Variants in GALNT13 observed in about 807,000 individuals in gnomAD.
The protein encoded by GALNT13 is UDP-GalNAc:polypeptide N-acetylgalactosaminyltransferase 13.
A neutral mutation model predicts 64.2 loss-of-function variants in GALNT13; 28 were observed. That is an observed-to-expected ratio of 0.44 (90% CI 0.32 to 0.60). The LOEUF is 0.60. Ranked by LOEUF, GALNT13 falls within the 20% of genes least tolerant of loss-of-function variation. The probability of loss-of-function intolerance (pLI) is 0.05; values close to 1 mark genes in which losing one functional copy is unlikely to be tolerated. For missense variants in GALNT13, 577 were observed against 669.8 expected (o/e 0.86, Z 1.53); for synonymous variants, 214 against 224.6 (o/e 0.95, Z 0.42).
chr2:153,911,968 A>G (rs1397041327), intron 2 of GALNT13, among the ~76,000 whole-genome samples: 1 of 152,028 alleles, frequency 6.6e-6, no homozygotes, highest in African/African-American at 2.4e-5. Context: ...AGATAGGGGA[A>G]ATTCTTATGG....
the GALNT13 span, among the ~76,000 whole-genome samples, chr2:153,389,612 G>A: frequency 6.6e-6 from 1 of 152,076 alleles, no homozygotes; most frequent in African/African-American, 2.4e-5. Flanking sequence ...AAGAATGCCC[G>A]GAGGTCCATT....
At chr2:153,642,702 T>C in the GALNT13 span, among the ~76,000 whole-genome samples, 1 of 151,838 alleles carries the variant, frequency 6.6e-6, no homozygotes, top group African/African-American at 2.4e-5. Context: ...AATTCAACAA[T>C]TATTGAGCAA....
chr2:153,864,840 C>T, the GALNT13 span, among the ~76,000 whole-genome samples: 225 of 148,220 alleles, frequency 1.5e-3, 1 homozygote, highest in South Asian at 0.015. Context: ...AAAAAAGAGC[C>T]CGCATCGCCA....
the GALNT13 span, among the ~76,000 whole-genome samples, chr2:153,819,945 C>CTGG: frequency 6.6e-6 from 1 of 152,052 alleles, no homozygotes; most frequent in Non-Finnish European, 1.5e-5. Context: ...ATACAGAATT[C>CTGG]AAAGCATGGA....
At chr2:153,232,915 A>G in the GALNT13 span, among the ~76,000 whole-genome samples, 1 of 152,112 alleles carries the variant, frequency 6.6e-6, no homozygotes. Flanking sequence ...GCTCCCATCC[A>G]TTATGTCTCT....
At chr2:153,354,182 T>TA in the GALNT13 span, 1 of 152,122 alleles carries the variant, frequency 6.6e-6, no homozygotes, top group Non-Finnish European at 1.5e-5. Context: ...ATGCAACAGA[T>TA]AAAAAAATAA....
At chr2:154,396,371 C>A (rs1213303013) in intron 10 of GALNT13, among the ~76,000 whole-genome samples, 7 of 151,976 alleles carry the variant, frequency 4.6e-5, no homozygotes, top group African/African-American at 1.4e-4. Flanking sequence ...AGCTTTTGGT[C>A]ATTTACGTTC....
chr2:154,336,910 T>A (rs1225499876), intron 9 of GALNT13, among the ~76,000 whole-genome samples: 1 of 152,106 alleles, frequency 6.6e-6, no homozygotes, highest in Non-Finnish European at 1.5e-5. Flanking sequence ...GTTCAGAATA[T>A]TAGACTTTTT....
At chr2:153,142,657 T>C in the GALNT13 span, among the ~76,000 whole-genome samples, 2 of 151,962 alleles carry the variant, frequency 1.3e-5, no homozygotes, top group African/African-American at 4.8e-5. Flanking sequence ...AATGGAGGTT[T>C]GTAGGCCTAG....
the GALNT13 span, among the ~76,000 whole-genome samples, chr2:153,435,590 A>T: frequency 6.6e-6 from 1 of 151,966 alleles, no homozygotes; most frequent in Non-Finnish European, 1.5e-5. Flanking sequence ...TCTTTGAAGC[A>T]ATTGTGAATG....
At chr2:153,258,110 A>T in the GALNT13 span, among the ~76,000 whole-genome samples, 1 of 152,194 alleles carries the variant, frequency 6.6e-6, no homozygotes, top group Admixed American at 6.6e-5. Flanking sequence ...AGTCTTAGAG[A>T]TTCCTTATGG....
In GALNT13 at chr2:154,020,699, G is replaced by T. The variant is rs545146928; in HGVS notation, c.142+76060G>T. Reference sequence around the variant, plus strand: ...TCTTTTGCTGTGCAGAAGCTCTTTAGTTTAATTAGATCCCATTTGTCAATT... The same window carrying T: ...TCTTTTGCTGTGCAGAAGCTCTTTATTTTAATTAGATCCCATTTGTCAATT... On this transcript the variant is annotated intron_variant, in intron 3 of 12. Transcript: ENST00000392825. Among the ~76,000 whole-genome samples the T allele has an allele frequency of 4.0e-3, 600 of 148,920 alleles. 1 individual carries two copies. Among genetic ancestry groups the T allele is most frequent in the Middle Eastern group, 0.028 (8 of 290 alleles).
the GALNT13 span, among the ~76,000 whole-genome samples, chr2:153,724,349 A>C: frequency 7.8e-6 from 1 of 128,860 alleles, no homozygotes; most frequent in Admixed American, 7.5e-5. Flanking sequence ...AACCATAAAA[A>C]CCCTAGAAGA....
chr2:153,611,720 G>A, the GALNT13 span, among the ~76,000 whole-genome samples: 3 of 130,538 alleles, frequency 2.3e-5, no homozygotes, highest in Admixed American at 8.7e-5. Flanking sequence ...TTAAGTTCTG[G>A]AATACATGTG....
intron 2 of GALNT13, among the ~76,000 whole-genome samples, chr2:153,927,420 A>T (rs1690223090): frequency 6.6e-6 from 1 of 151,956 alleles, no homozygotes; most frequent in South Asian, 2.1e-4. Context: ...CTTACCTGTT[A>T]TATCTCGCAT....
chr2:153,330,691 G>A, the GALNT13 span, among the ~76,000 whole-genome samples: 3 of 151,958 alleles, frequency 2.0e-5, no homozygotes, highest in South Asian at 6.2e-4. Flanking sequence ...GTCTTTGGGG[G>A]TTTTCTAGGT....
the GALNT13 span, among the ~76,000 whole-genome samples, chr2:153,241,597 G>C: frequency 9.9e-5 from 15 of 152,086 alleles, 1 homozygote; most frequent in South Asian, 3.1e-3. Context: ...AAGGAGCCCA[G>C]AAACCTGGTA....
chr2:153,527,722 C>G, the GALNT13 span, among the ~76,000 whole-genome samples: 1 of 152,100 alleles, frequency 6.6e-6, no homozygotes, highest in African/African-American at 2.4e-5. Context: ...AACAAATTTT[C>G]CAGACATGGA....
intron 3 of GALNT13, among the ~76,000 whole-genome samples, chr2:154,051,279 CT>C (rs34890901): frequency 0.18 from 18,096 of 101,830 alleles, 599 homozygotes; most frequent in Middle Eastern, 0.28. Flanking sequence ...CTTACTCCTT[CT>C]TTTTTTTTTT....
Sources: allele counts gnomAD v4.1 joint callset (sites outside exome capture counted in the v4.1 genomes callset), GRCh38; gene constraint gnomAD v4.1.1; transcripts MANE v1.5; gene names NCBI Gene and HGNC (gene_info 2026-07-23, HGNC 2026-07-21).